BAZ2B: variants seen among roughly 807,000 people sequenced by gnomAD.
The protein encoded by BAZ2B is bromodomain adjacent to zinc finger domain protein 2B.
In BAZ2B, 91 loss-of-function variants were observed where a neutral mutation model predicts 246.0. The observed-to-expected ratio is 0.37, with a 90% CI of 0.31 to 0.44. The LOEUF (loss-of-function observed/expected upper bound fraction) is 0.44. Ranked by LOEUF, BAZ2B falls within the 20% of genes least tolerant of loss-of-function variation. The probability of loss-of-function intolerance (pLI) is 1.00; values close to 1 mark genes in which losing one functional copy is unlikely to be tolerated. For synonymous variants in BAZ2B, 855 were observed against 860.0 expected (o/e 0.99, Z 0.10); for missense variants, 2,332 against 2,533.7 (o/e 0.92, Z 1.71).
the BAZ2B span, among the ~76,000 whole-genome samples, chr2:159,700,719 A>C: frequency 6.6e-6 from 1 of 152,116 alleles, no homozygotes; most frequent in Non-Finnish European, 1.5e-5. Context: ...TGTTGGGATT[A>C]CAGGCGTGAG....
intron 1 of BAZ2B, among the ~76,000 whole-genome samples, chr2:159,566,097 C>T (rs566895404): frequency 2.4e-4 from 36 of 152,096 alleles, no homozygotes; most frequent in Non-Finnish European, 4.1e-4. Flanking sequence ...CAGCAACCTC[C>T]GCCTCCCAGG....
intron 27 of BAZ2B, among the ~76,000 whole-genome samples, chr2:159,358,874 C>T (rs1485070466): frequency 6.6e-6 from 1 of 152,004 alleles, no homozygotes; most frequent in African/African-American, 2.4e-5. Flanking sequence ...GGGTAAATAA[C>T]GAAATGAAGG....
At chr2:159,676,358 T>C in the BAZ2B span, among the ~76,000 whole-genome samples, 1 of 152,182 alleles carries the variant, frequency 6.6e-6, no homozygotes, top group Non-Finnish European at 1.5e-5. Flanking sequence ...GAATAAGATA[T>C]CTTGTAAACT....
intron 14 of BAZ2B, among the ~76,000 whole-genome samples, chr2:159,411,464 T>G (rs1334841212): frequency 2.0e-5 from 3 of 152,232 alleles, no homozygotes; most frequent in African/African-American, 4.8e-5. Context: ...ATAGGGATAA[T>G]AAAAAACCCA....
At chr2:159,446,227 GAAGAA>G (rs2074229457) in intron 6 of BAZ2B, among the ~76,000 whole-genome samples, 1 of 152,158 alleles carries the variant, frequency 6.6e-6, no homozygotes, top group Admixed American at 6.5e-5. Flanking sequence ...AAGTGGCAAA[GAAGAA>G]AAGAGTGATT....
At chr2:159,630,250 G>T in the BAZ2B span, among the ~76,000 whole-genome samples, 1 of 152,180 alleles carries the variant, frequency 6.6e-6, no homozygotes, top group Admixed American at 6.5e-5. Flanking sequence ...TTGAGCCCAG[G>T]AGTTCAAGGC....
chr2:159,411,549 T>C (rs1478708880), intron 14 of BAZ2B, among the ~76,000 whole-genome samples: 2 of 152,318 alleles, frequency 1.3e-5, no homozygotes, highest in African/African-American at 4.8e-5. Flanking sequence ...TTGTTACATA[T>C]CTTTATATAT....
chr2:159,567,994 T>G (rs1683047089), intron 1 of BAZ2B, among the ~76,000 whole-genome samples: 1 of 151,964 alleles, frequency 6.6e-6, no homozygotes, highest in Admixed American at 6.6e-5. Context: ...TAAATAAACA[T>G]AAAAATCACA....
At chr2:159,554,486 A>G (rs946233458) in intron 2 of BAZ2B, among the ~76,000 whole-genome samples, 1 of 152,118 alleles carries the variant, frequency 6.6e-6, no homozygotes, top group Admixed American at 6.5e-5. Context: ...AGGAAAATGA[A>G]TAAAATATGC....
At chr2:159,351,543 C>T (rs755954499) in intron 27 of BAZ2B, among the ~76,000 whole-genome samples, 1 of 151,890 alleles carries the variant, frequency 6.6e-6, no homozygotes, top group South Asian at 2.1e-4. Context: ...AAACTGTCCT[C>T]TAAAAAGTCT....
At chr2:159,603,704 A>G (rs1287621072) in intron 1 of BAZ2B, among the ~76,000 whole-genome samples, 2 of 152,096 alleles carry the variant, frequency 1.3e-5, no homozygotes, top group Non-Finnish European at 2.9e-5. Flanking sequence ...AACTATTTAA[A>G]CATGTTTCCA....
intron 25 of BAZ2B, among the ~76,000 whole-genome samples, chr2:159,377,814 A>C (rs76497818): frequency 1.2e-4 from 3 of 25,108 alleles, no homozygotes; most frequent in Non-Finnish European, 6.0e-4. Flanking sequence ...TCTGTCTCCA[A>C]AAAAAAAAAA....
rs2062485233 is a variant in BAZ2B at position 159,385,178 on chromosome 2, C to T, written c.3663G>A (p.Leu1221=). 1 of 1,613,364 alleles carries T rather than the reference C, an allele frequency of 6.2e-7. No individual in the cohort carries two copies. Among genetic ancestry groups the T allele is most frequent in the Non-Finnish European group, 8.5e-7 (1 of 1,179,504 alleles). ...ASVLAFLINE[L]ACSKSVVSEI... The stretch of plus-strand genomic sequence containing the variant: ...ACCTGACCACACTCTTGCTGCATGC[C>T]AGTTCATTGATCAGGAAAGCCAGGA... The change falls in exon 23 of 37, where the codon CTG becomes CTA. Residue 1221 remains leucine, a synonymous_variant. Coordinates refer to ENST00000392783, the MANE Select transcript of BAZ2B (RefSeq NM_013450.4).
At chr2:159,522,206 T>A (rs16844082) in intron 2 of BAZ2B, among the ~76,000 whole-genome samples, 409 of 152,218 alleles carry the variant, frequency 2.7e-3, no homozygotes, top group African/African-American at 9.1e-3. Flanking sequence ...CACAAGACTA[T>A]GAAAATATTT....
the BAZ2B span, among the ~76,000 whole-genome samples, chr2:159,625,259 G>A: frequency 6.6e-6 from 1 of 151,996 alleles, no homozygotes. Context: ...ACACTCCTCA[G>A]GATATCCAGG....
chr2:159,633,842 C>G, the BAZ2B span, among the ~76,000 whole-genome samples: 1 of 149,714 alleles, frequency 6.7e-6, no homozygotes, highest in Non-Finnish European at 1.5e-5. Context: ...CAGGTTCAAG[C>G]AATTCTCATG....
intron 14 of BAZ2B, among the ~76,000 whole-genome samples, chr2:159,409,653 C>T (rs944078704): frequency 5.3e-5 from 8 of 151,856 alleles, no homozygotes; most frequent in Non-Finnish European, 1.2e-4. Flanking sequence ...TCTCAGATAA[C>T]CCCCCAAAGT....
intron 27 of BAZ2B, among the ~76,000 whole-genome samples, chr2:159,369,157 A>T (rs894629860): frequency 2.0e-5 from 3 of 152,158 alleles, no homozygotes; most frequent in African/African-American, 7.2e-5. Context: ...ATAAGCTGGG[A>T]AGTTTGTGGA....
chr2:159,404,527 C>A (rs1444045835), intron 16 of BAZ2B: 1 of 197,106 alleles, frequency 5.1e-6, no homozygotes, highest in Non-Finnish European at 1.0e-5. Context: ...TTTGAACATT[C>A]GAGCAATATA....
Sources: allele counts gnomAD v4.1 joint callset (sites outside exome capture counted in the v4.1 genomes callset), GRCh38; gene constraint gnomAD v4.1.1; transcripts MANE v1.5; gene names NCBI Gene and HGNC (gene_info 2026-07-23, HGNC 2026-07-21).